The following SCCPDH variants were observed in gnomAD, a reference collection of about 807,000 sequenced individuals.
SCCPDH encodes the protein saccharopine dehydrogenase (putative).
Under a neutral mutation model 51.5 loss-of-function variants are expected in SCCPDH, and 34 were observed. The observed-to-expected ratio is 0.66, with a 90% CI of 0.50 to 0.88. The LOEUF is 0.88. SCCPDH is among the 40% of genes least tolerant of loss of function. The pLI is 0.00. For missense variants in SCCPDH, 464 were observed against 527.1 expected, an observed-to-expected ratio of 0.88 and a Z score of 1.17; for synonymous variants, 187 against 191.3, an observed-to-expected ratio of 0.98 and a Z score of 0.19.
chr1:246,733,237 C>G (rs1414179883), intron 2 of SCCPDH, among the ~76,000 whole-genome samples: 1 of 151,918 alleles, frequency 6.6e-6, no homozygotes, highest in Non-Finnish European at 1.5e-5. Flanking sequence ...TAGACTGGTG[C>G]TATCACATCT....
intron 3 of SCCPDH, among the ~76,000 whole-genome samples, chr1:246,738,008 C>T (rs1425536971): frequency 6.6e-6 from 1 of 152,076 alleles, no homozygotes; most frequent in Non-Finnish European, 1.5e-5. Flanking sequence ...CCAGCCTGGC[C>T]AACATGGCGA....
intron 6 of SCCPDH, 57 bp from the exon 7 acceptor site, chr1:246,758,977 T>C: frequency 1.0e-6 from 1 of 1,000,516 alleles, no homozygotes; most frequent in Non-Finnish European, 1.6e-6. Flanking sequence ...TTCAGACATT[T>C]ACCAGCCAAA....
At chr1:246,727,072 G>A (rs945478380) in intron 2 of SCCPDH, 68 bp downstream of exon 2, 13 of 1,226,488 alleles carry the variant, frequency 1.1e-5, no homozygotes, top group Admixed American at 5.3e-5. Flanking sequence ...TATTCCAGAG[G>A]AACATAAGGA....
At chr1:246,765,762 C>CT (rs1669079105) in intron 10 of SCCPDH, among the ~76,000 whole-genome samples, 1 of 152,172 alleles carries the variant, frequency 6.6e-6, no homozygotes, top group African/African-American at 2.4e-5. Flanking sequence ...GGCTCAGTCA[C>CT]TACCTGTTAG....
At chr1:246,728,130 GC>G (rs1668431067) in intron 2 of SCCPDH, among the ~76,000 whole-genome samples, 1 of 152,124 alleles carries the variant, frequency 6.6e-6, no homozygotes, top group Admixed American at 6.6e-5. Flanking sequence ...CAAGTCACAG[GC>G]CATCAGACTT....
intron 1 of SCCPDH, among the ~76,000 whole-genome samples, chr1:246,726,155 C>T (rs1462927621): frequency 6.6e-6 from 1 of 152,166 alleles, no homozygotes; most frequent in African/African-American, 2.4e-5. Flanking sequence ...CTGCACCCAG[C>T]CCTGATGGTT....
chr1:246,752,985 C>T (rs1219990169), intron 5 of SCCPDH, among the ~76,000 whole-genome samples: 1 of 152,100 alleles, frequency 6.6e-6, no homozygotes, highest in Non-Finnish European at 1.5e-5. Flanking sequence ...CTCTCTCTCT[C>T]TCCGCCTCTC....
intron 5 of SCCPDH, among the ~76,000 whole-genome samples, chr1:246,752,857 A>G (rs1158378901): frequency 6.6e-6 from 1 of 152,092 alleles, no homozygotes; most frequent in Non-Finnish European, 1.5e-5. Flanking sequence ...TTGCTTTTAT[A>G]TATGACTTTT....
In SCCPDH at chr1:246,759,971, G is replaced by T. The variant is rs531092306; in HGVS notation, c.828G>T (p.Ala276=). The T allele has an allele frequency of 6.2e-7, 1 of 1,612,874 alleles. No individual in the cohort carries two copies. Among genetic ancestry groups the T allele is most frequent in the Non-Finnish European group, 8.5e-7 (1 of 1,179,652 alleles). The change falls in exon 8 of 12, where the codon GCG becomes GCT. Residue 276 remains alanine, a synonymous_variant. Transcript: ENST00000366510. ...NLEESPVQYA[A]YVTVGGITSV... Reference sequence around the variant, plus strand: ...CCATCATCTAGGTTCAGTATGCTGCGTATGTAACTGTGGGAGGCATCACCT... The same window carrying T: ...CCATCATCTAGGTTCAGTATGCTGCTTATGTAACTGTGGGAGGCATCACCT...
chr1:246,745,447 A>C (rs192206985), intron 5 of SCCPDH, among the ~76,000 whole-genome samples: 94 of 152,356 alleles, frequency 6.2e-4, no homozygotes, highest in Non-Finnish European at 1.1e-3. Context: ...TTAGTTTGGC[A>C]GGAAAGAAAA....
At chr1:246,740,501 C>T (rs1668660418) in intron 4 of SCCPDH, among the ~76,000 whole-genome samples, 200 bp downstream of exon 4, 2 of 152,122 alleles carry the variant, frequency 1.3e-5, no homozygotes, top group Non-Finnish European at 1.5e-5. Flanking sequence ...ATGGATAATA[C>T]TGTATTTTAC....
chr1:246,738,815 C>A (rs552825498), intron 3 of SCCPDH, among the ~76,000 whole-genome samples: 1 of 152,002 alleles, frequency 6.6e-6, no homozygotes, highest in African/African-American at 2.4e-5. Context: ...TCTGCACCAT[C>A]GCACTCCAGC....
At chr1:246,745,512 G>A (rs147786018) in intron 5 of SCCPDH, among the ~76,000 whole-genome samples, 24 of 152,260 alleles carry the variant, frequency 1.6e-4, no homozygotes, top group East Asian at 1.4e-3. Context: ...TAAGAATGGC[G>A]AATACATCTA....
chr1:246,724,611 G>A lies in SCCPDH; in HGVS notation c.189G>A (p.Leu63=). 2 of 1,484,722 alleles carry A rather than the reference G, an allele frequency of 1.3e-6. No homozygotes were observed. The highest frequency in any genetic ancestry group is 1.8e-6 in the Non-Finnish European group (2 of 1,124,000). 92.0% of individuals were successfully genotyped at this position (1,484,722 alleles called of 1,614,324 possible). A position where few individuals can be genotyped will look rare whatever the true frequency, so the allele number is the denominator to read the frequency against. ...QRVLEKAALK[L]GRPTLSSEVG... is the part of the protein sequence containing the mutation. Reference sequence around the variant, plus strand: ...TGCTGGAGAAGGCGGCCCTGAAGCTGGGTACAGCGGCGGGGCGGGACGGGG... The same window carrying A: ...TGCTGGAGAAGGCGGCCCTGAAGCTAGGTACAGCGGCGGGGCGGGACGGGG... Residue 63 remains leucine (L), a splice_region_variant and synonymous_variant, in exon 1 of 12, where the codon CTG becomes CTA. Coordinates refer to ENST00000366510, the MANE Select transcript of SCCPDH (RefSeq NM_016002.3).
intron 9 of SCCPDH, among the ~76,000 whole-genome samples, chr1:246,762,564 G>A (rs1034149693): frequency 1.3e-5 from 2 of 152,084 alleles, no homozygotes; most frequent in Admixed American, 6.5e-5. Context: ...AATCATGGCC[G>A]GGCGCAGTGG....
chr1:246,727,390 A>C (rs763465404), intron 2 of SCCPDH, among the ~76,000 whole-genome samples: 25 of 152,250 alleles, frequency 1.6e-4, no homozygotes, highest in Non-Finnish European at 3.4e-4. Context: ...CACAAAAAGA[A>C]GACTAAAAAA....
rs770258849 is a variant in SCCPDH at position 246,760,245 on chromosome 1, A to G, written c.990+18A>G. 4.4e-6 allele frequency: 7 copies of G among 1,581,224 alleles called. No homozygotes were observed. Among genetic ancestry groups the G allele is most frequent in the Middle Eastern group, 1.9e-4 (1 of 5,150 alleles). Reference sequence around the variant, plus strand: ...AAAAACAGGTAATTTCTTTTGTATTAAGACACTAAAATAATATTTTTCTTT... The same window carrying G: ...AAAAACAGGTAATTTCTTTTGTATTGAGACACTAAAATAATATTTTTCTTT... On this transcript the variant is annotated intron_variant, in intron 9 of 11. Transcript: ENST00000366510.
chr1:246,729,141 A>G (rs913464270), intron 2 of SCCPDH, among the ~76,000 whole-genome samples: 1 of 152,230 alleles, frequency 6.6e-6, no homozygotes, highest in African/African-American at 2.4e-5. Flanking sequence ...CGGTATCACA[A>G]TGCAAATGGC....
At chr1:246,751,665 T>C (rs1163748399) in intron 5 of SCCPDH, among the ~76,000 whole-genome samples, 1 of 152,244 alleles carries the variant, frequency 6.6e-6, no homozygotes. Flanking sequence ...AGACGACCTT[T>C]GACATGCCTT....
Sources: gnomAD v4.1 joint callset for allele counts (sites outside exome capture counted in the v4.1 genomes callset) on GRCh38, gnomAD v4.1.1 for gene constraint, MANE v1.5 for transcripts, NCBI Gene and HGNC (gene_info 2026-07-23, HGNC 2026-07-21) for gene names.